Variants in TMCC1 observed in about 807,000 individuals in gnomAD.
The protein encoded by TMCC1 is transmembrane and coiled-coil domains protein 1.
TMCC1 carries 15 observed loss-of-function variants against 52.4 expected under a neutral mutation model. That is an observed-to-expected ratio of 0.29 (90% CI 0.19 to 0.44). TMCC1 has a LOEUF of 0.44. Ranked by LOEUF, TMCC1 falls within the 20% of genes least tolerant of loss-of-function variation. The pLI is 1.00. For missense variants in TMCC1, 503 were observed against 806.0 expected (o/e 0.62, Z 4.55); for synonymous variants, 279 against 301.9 (o/e 0.92, Z 0.79).
chr3:129,760,495 T>TGTGTGTGTGTGTG (rs370985390), intron 4 of TMCC1, among the ~76,000 whole-genome samples: 12 of 144,602 alleles, frequency 8.3e-5, no homozygotes, highest in East Asian at 2.2e-4. Flanking sequence ...TGTGTGTGTG[T>TGTGTGTGTGTGTG]TTTTGAGACA....
At chr3:129,693,803 G>A (rs1280733791) in intron 4 of TMCC1, among the ~76,000 whole-genome samples, 2 of 152,032 alleles carry the variant, frequency 1.3e-5, no homozygotes, top group Admixed American at 6.6e-5. Context: ...GGAATACTGA[G>A]CATTCAGAAA....
chr3:129,673,193 A>T (rs2088110808), intron 4 of TMCC1, among the ~76,000 whole-genome samples: 1 of 152,090 alleles, frequency 6.6e-6, no homozygotes, highest in Non-Finnish European at 1.5e-5. Context: ...CTTTTGGTGC[A>T]TGCTAACAAG....
intron 4 of TMCC1, among the ~76,000 whole-genome samples, chr3:129,752,401 T>C (rs1391536365): frequency 1.3e-5 from 2 of 152,190 alleles, no homozygotes; most frequent in Non-Finnish European, 2.9e-5. Flanking sequence ...ACCAGAACTA[T>C]ACTCACCCTG....
At chr3:129,755,973 C>G (rs2052965483) in intron 4 of TMCC1, among the ~76,000 whole-genome samples, 1 of 152,036 alleles carries the variant, frequency 6.6e-6, no homozygotes, top group African/African-American at 2.4e-5. Context: ...TGGTGGGCAC[C>G]TTTAATCCCT....
chr3:129,798,524 C>CAAAAAAAAAAAA (rs796919072), intron 4 of TMCC1, among the ~76,000 whole-genome samples: 1 of 67,890 alleles, frequency 1.5e-5, no homozygotes, highest in Non-Finnish European at 3.2e-5. Context: ...TCTTCCTATC[C>CAAAAAAAAAAAA]AAAAAAAAAA....
intron 4 of TMCC1, among the ~76,000 whole-genome samples, chr3:129,683,344 G>A (rs938111079): frequency 1.3e-5 from 2 of 152,128 alleles, no homozygotes; most frequent in Non-Finnish European, 1.5e-5. Flanking sequence ...TCTAGTAGCT[G>A]GGCATGTTTG....
At chr3:129,744,296 C>T (rs577230879) in intron 4 of TMCC1, among the ~76,000 whole-genome samples, 1 of 152,118 alleles carries the variant, frequency 6.6e-6, no homozygotes, top group Non-Finnish European at 1.5e-5. Flanking sequence ...TTTAACTTCA[C>T]CACTTTCTTT....
intron 4 of TMCC1, among the ~76,000 whole-genome samples, chr3:129,729,584 G>C (rs1265069242): frequency 6.6e-6 from 1 of 151,536 alleles, no homozygotes; most frequent in Non-Finnish European, 1.5e-5. Flanking sequence ...CCAGCACTTT[G>C]GGAGGCCAAG....
At chr3:129,836,306 T>TA (rs2059156288) in intron 2 of TMCC1, among the ~76,000 whole-genome samples, 2 of 151,954 alleles carry the variant, frequency 1.3e-5, no homozygotes, top group African/African-American at 4.8e-5. Context: ...ATGACTCAAA[T>TA]AAAGGGAGAG....
intron 2 of TMCC1, among the ~76,000 whole-genome samples, chr3:129,848,679 T>G (rs1201151761): frequency 6.6e-6 from 1 of 152,194 alleles, no homozygotes; most frequent in East Asian, 1.9e-4. Flanking sequence ...CACAAATCCG[T>G]GCCAACCAAT....
intron 4 of TMCC1, among the ~76,000 whole-genome samples, chr3:129,795,858 G>A (rs1386445504): frequency 6.6e-6 from 1 of 152,296 alleles, no homozygotes; most frequent in East Asian, 1.9e-4. Context: ...TTGGTCATCA[G>A]ATCGACTGTT....
rs1437273477 is a variant in TMCC1 at position 129,767,869 on chromosome 3, A to G, written c.576+59934T>C. On this transcript the variant is annotated intron_variant, in intron 4 of 6. Transcript: ENST00000393238. ...AAAGGGAAACATTCTTTTGCAAAGT[A>G]AATAATCACCCCCAACTTAAAAAAT... is the stretch of plus-strand genomic sequence containing the variant. 5.9e-5 allele frequency among the ~76,000 whole-genome samples: 9 copies of G among 152,238 alleles called. No individual in the cohort carries two copies. In the East Asian group the frequency reaches 1.5e-3, roughly 26 times the overall value.
chr3:129,868,658 T>A (rs2060771948), intron 2 of TMCC1, among the ~76,000 whole-genome samples: 1 of 152,210 alleles, frequency 6.6e-6, no homozygotes, highest in South Asian at 2.1e-4. Context: ...AGGCTGGTCC[T>A]CGGACTCCTG....
intron 4 of TMCC1, among the ~76,000 whole-genome samples, chr3:129,718,524 A>G (rs2049286248): frequency 6.6e-6 from 1 of 152,242 alleles, no homozygotes; most frequent in Non-Finnish European, 1.5e-5. Flanking sequence ...GAGATGCGTA[A>G]GAAGTGAGAC....
chr3:129,705,241 G>T (rs909026374), intron 4 of TMCC1, among the ~76,000 whole-genome samples: 5 of 152,196 alleles, frequency 3.3e-5, no homozygotes, highest in Non-Finnish European at 2.9e-5. Flanking sequence ...GCAGAGAGAG[G>T]TGGAATATGC....
At position 129,820,691 on chromosome 3, in the gene TMCC1, G is replaced by A. The variant is rs559426401; in HGVS notation, c.576+7112C>T. On this transcript the variant is annotated intron_variant, in intron 4 of 6. Coordinates refer to ENST00000393238, the MANE Select transcript of TMCC1 (RefSeq NM_001017395.5). Reference sequence around the variant, plus strand: ...TGTGTTAAAGAAAGGCTCAAAAGGAGAAGTGGAACTTTCTTAGGACAATGC... The same window carrying A: ...TGTGTTAAAGAAAGGCTCAAAAGGAAAAGTGGAACTTTCTTAGGACAATGC... 2.0e-5 allele frequency among the ~76,000 whole-genome samples: 3 copies of A among 152,276 alleles called. No homozygotes were observed. The South Asian group carries it at 6.2e-4, about 32-fold the overall frequency.
At chr3:129,701,815 G>A (rs980305199) in intron 4 of TMCC1, among the ~76,000 whole-genome samples, 2 of 152,042 alleles carry the variant, frequency 1.3e-5, no homozygotes, top group Admixed American at 6.6e-5. Flanking sequence ...TTTTGAAATT[G>A]CAAAACATCA....
chr3:129,843,038 GAACAAATTAT>G (rs2059492314), intron 2 of TMCC1, among the ~76,000 whole-genome samples: 1 of 152,044 alleles, frequency 6.6e-6, no homozygotes, highest in Non-Finnish European at 1.5e-5. Flanking sequence ...AGTAAAAAAA[GAACAAATTAT>G]AACTAAAACA....
intron 4 of TMCC1, among the ~76,000 whole-genome samples, chr3:129,729,399 G>T (rs2050365321): frequency 1.3e-5 from 2 of 152,176 alleles, no homozygotes; most frequent in Non-Finnish European, 2.9e-5. Context: ...AGACATTAAA[G>T]AATCTTTTGT....
Sources: allele counts gnomAD v4.1 joint callset (sites outside exome capture counted in the v4.1 genomes callset), GRCh38; gene constraint gnomAD v4.1.1; transcripts MANE v1.5; gene names NCBI Gene and HGNC (gene_info 2026-07-23, HGNC 2026-07-21).